ATP8A1: variants seen among roughly 807,000 people sequenced by gnomAD.
ATP8A1 encodes ATPase phospholipid transporting 8A1.
ATP8A1 carries 90 observed loss-of-function variants against 177.7 expected under a neutral mutation model. The observed-to-expected ratio is 0.51, with a 90% CI of 0.43 to 0.60. ATP8A1 has a LOEUF of 0.60. Among genes scored for constraint, ATP8A1 ranks in the 20% least tolerant of loss-of-function variants. The pLI is 0.00. For synonymous variants in ATP8A1, 493 were observed against 485.9 expected, an observed-to-expected ratio of 1.01 and a Z score of -0.19; for missense variants, 1,072 against 1,392.8, an observed-to-expected ratio of 0.77 and a Z score of 3.67.
At chr4:42,549,675 T>C (rs1435915802) in intron 18 of ATP8A1, among the ~76,000 whole-genome samples, 1 of 151,958 alleles carries the variant, frequency 6.6e-6, no homozygotes, top group Non-Finnish European at 1.5e-5. Context: ...CATGCCTATC[T>C]ATAATCCCAA....
At chr4:42,511,360 T>C (rs1252790229) in intron 22 of ATP8A1, among the ~76,000 whole-genome samples, 1 of 152,194 alleles carries the variant, frequency 6.6e-6, no homozygotes, top group Non-Finnish European at 1.5e-5. Flanking sequence ...TGGCCACTAA[T>C]GGGCACTAGG....
chr4:42,619,040 C>T (rs551634758), intron 4 of ATP8A1, among the ~76,000 whole-genome samples: 43 of 150,302 alleles, frequency 2.9e-4, no homozygotes, highest in Middle Eastern at 6.8e-3. Flanking sequence ...TCATTAATAG[C>T]CTAGTGTGAT....
intron 15 of ATP8A1, among the ~76,000 whole-genome samples, chr4:42,568,201 C>T (rs1344894240): frequency 3.9e-5 from 6 of 152,190 alleles, no homozygotes; most frequent in Admixed American, 2.0e-4. Flanking sequence ...AACCAAACAG[C>T]TGCCTGTCAT....
chr4:42,497,819 C>T (rs893393904), intron 24 of ATP8A1, among the ~76,000 whole-genome samples: 1 of 152,160 alleles, frequency 6.6e-6, no homozygotes, highest in Non-Finnish European at 1.5e-5. Flanking sequence ...TTTTTACTAA[C>T]CCATTTATTT....
intron 5 of ATP8A1, among the ~76,000 whole-genome samples, chr4:42,615,562 T>TG (rs771321803): frequency 1.1e-4 from 17 of 152,182 alleles, no homozygotes; most frequent in Non-Finnish European, 1.6e-4. Flanking sequence ...CAAAATGCCA[T>TG]GCACTGTACA....
rs79600533 is a variant in ATP8A1 at position 42,597,965 on chromosome 4, C to G, written c.450+2513G>C. ...AATTATCATATTTCTGGTTTACTGTCAAGTTTTCCTATTTATATAACAATG... is the reference window on the plus strand; with the variant it reads ...AATTATCATATTTCTGGTTTACTGTGAAGTTTTCCTATTTATATAACAATG... On this transcript the variant is annotated intron_variant, in intron 6 of 36. Transcript: ENST00000381668. 4.8e-3 allele frequency among the ~76,000 whole-genome samples: 735 copies of G among 152,164 alleles called. 3 individuals carry two copies. The highest frequency in any genetic ancestry group is 0.017 in the African/African-American group (690 of 41,536).
At chr4:42,567,285 T>G (rs1731449526) in intron 15 of ATP8A1, among the ~76,000 whole-genome samples, 9 of 152,220 alleles carry the variant, frequency 5.9e-5, no homozygotes, top group Admixed American at 5.9e-4. Context: ...ACACCTGTAA[T>G]CCCAGCACTT....
At chr4:42,434,330 G>A (rs1400149571) in intron 33 of ATP8A1, among the ~76,000 whole-genome samples, 2 of 152,056 alleles carry the variant, frequency 1.3e-5, no homozygotes, top group African/African-American at 2.4e-5. Flanking sequence ...TGATGGTTCT[G>A]CATTTTACCT....
intron 4 of ATP8A1, among the ~76,000 whole-genome samples, chr4:42,617,178 C>T (rs1405726989): frequency 6.6e-5 from 10 of 152,124 alleles, no homozygotes; most frequent in Non-Finnish European, 1.5e-4. Context: ...ATTAGCACTC[C>T]AGGACATGGC....
chr4:42,636,160 A>ACGCGCG (rs150760623), intron 1 of ATP8A1, among the ~76,000 whole-genome samples: 23 of 132,950 alleles, frequency 1.7e-4, no homozygotes, highest in Non-Finnish European at 2.7e-4. Flanking sequence ...ACACACACGC[A>ACGCGCG]CACACACACA....
chr4:42,628,940 C>T (rs181596414), intron 1 of ATP8A1, among the ~76,000 whole-genome samples: 4 of 152,254 alleles, frequency 2.6e-5, no homozygotes, highest in South Asian at 4.1e-4. Context: ...CTTTTGAGGG[C>T]CCCGCCCTTG....
At chr4:42,472,594 A>T (rs1720556537) in intron 25 of ATP8A1, among the ~76,000 whole-genome samples, 1 of 152,172 alleles carries the variant, frequency 6.6e-6, no homozygotes, top group Middle Eastern at 3.4e-3. Context: ...ACAAAAAAAA[A>T]TTAGCTGAGT....
intron 4 of ATP8A1, among the ~76,000 whole-genome samples, chr4:42,619,590 A>G (rs999137523): frequency 2.7e-5 from 4 of 150,872 alleles, no homozygotes; most frequent in African/African-American, 9.7e-5. Context: ...AATTCTTACT[A>G]TATTTTAATC....
intron 33 of ATP8A1, among the ~76,000 whole-genome samples, chr4:42,439,034 A>G (rs1716321788): frequency 7.0e-6 from 1 of 143,484 alleles, no homozygotes; most frequent in African/African-American, 2.6e-5. Flanking sequence ...ATGACCCAAG[A>G]ATGTAAGTTG....
Position 42,506,978 on chromosome 4 carries a change from A to T in ATP8A1, c.2086+38T>A, listed in dbSNP as rs371686230. ...CTTCTGAACTACATTAACTTATTAA[A>T]AAGCACCAACATGTAAAATGTGAAC... On this transcript the variant is annotated intron_variant, in intron 23 of 36. Coordinates refer to ENST00000381668, the MANE Select transcript of ATP8A1 (RefSeq NM_006095.2). The T allele has an allele frequency of 1.2e-5, 19 of 1,603,910 alleles. No individual in the cohort carries two copies. In the South Asian group the frequency reaches 2.0e-4, roughly 17 times the overall value.
At chr4:42,498,084 G>A (rs1036336200) in intron 24 of ATP8A1, among the ~76,000 whole-genome samples, 1 of 152,356 alleles carries the variant, frequency 6.6e-6, no homozygotes, top group African/African-American at 2.4e-5. Context: ...AAAACTCAGT[G>A]TGGTTTAAAA....
intron 15 of ATP8A1, among the ~76,000 whole-genome samples, chr4:42,556,415 G>A (rs1214943631): frequency 6.6e-6 from 1 of 152,038 alleles, no homozygotes; most frequent in Middle Eastern, 3.4e-3. Context: ...AAGAATTAAC[G>A]AAAGCTATTA....
At chr4:42,497,430 G>C (rs1230186464) in intron 24 of ATP8A1, among the ~76,000 whole-genome samples, 1 of 152,184 alleles carries the variant, frequency 6.6e-6, no homozygotes, top group Non-Finnish European at 1.5e-5. Flanking sequence ...CAAACTTGTG[G>C]GGGAGAATGG....
intron 33 of ATP8A1, among the ~76,000 whole-genome samples, chr4:42,438,905 T>C (rs1716303100): frequency 6.6e-6 from 1 of 152,170 alleles, no homozygotes; most frequent in Non-Finnish European, 1.5e-5. Context: ...GCATTAAACA[T>C]AGCGCCTGGA....
Sources: allele counts gnomAD v4.1 joint callset (sites outside exome capture counted in the v4.1 genomes callset), GRCh38; gene constraint gnomAD v4.1.1; transcripts MANE v1.5; gene names NCBI Gene and HGNC (gene_info 2026-07-23, HGNC 2026-07-21).